BIRC6: variants seen among roughly 807,000 people sequenced by gnomAD.
The protein encoded by BIRC6 is baculoviral IAP repeat containing 6.
BIRC6 carries 98 observed loss-of-function variants against 503.3 expected under a neutral mutation model. The ratio of observed to expected loss-of-function variants is 0.19; its 90% CI spans 0.17 to 0.23. The LOEUF (loss-of-function observed/expected upper bound fraction) is 0.23. Ranked by LOEUF, BIRC6 falls within the 10% of genes least tolerant of loss-of-function variation. The pLI, the probability that BIRC6 is intolerant of heterozygous loss-of-function variation, is 1.00. For synonymous variants in BIRC6, 2,240 were observed against 2,078.7 expected, an observed-to-expected ratio of 1.08 and a Z score of -2.11; for missense variants, 5,360 against 5,806.0, an observed-to-expected ratio of 0.92 and a Z score of 2.50.
rs545030293 is a variant in BIRC6, at chr2:32,401,306, C to T, written c.1178C>T (p.Ser393Leu). ...DGTDRISCFG[S>L]GSCPHFLAAA... ...ACTGACAGAATATCTTGCTTTGGGT[C>T]GGGGAGCTGCCCTCATTTTCTAGCT... The change falls in exon 7 of 74, where the codon TCG becomes TTG. Residue 393 changes from serine to leucine, a missense_variant. Coordinates refer to ENST00000421745, the MANE Select transcript of BIRC6 (RefSeq NM_016252.4). 3.5e-5 allele frequency: 57 copies of T among 1,613,908 alleles called. No individual in the cohort carries two copies. The highest frequency in any genetic ancestry group is 2.9e-4 in the East Asian group (13 of 44,886).
At chr2:32,463,666 C>A (rs1281516811) in intron 24 of BIRC6, among the ~76,000 whole-genome samples, 1 of 152,142 alleles carries the variant, frequency 6.6e-6, no homozygotes, top group Non-Finnish European at 1.5e-5. Flanking sequence ...TGTACAGTTA[C>A]TAGTTACTAT....
In BIRC6 at chr2:32,618,708, G is replaced by A. The variant is rs2063380741; in HGVS notation, c.*804G>A. 1 of 151,858 alleles carries A rather than the reference G, an allele frequency of 6.6e-6. No individual in the cohort carries two copies. The highest frequency in any genetic ancestry group is 1.5e-5 in the Non-Finnish European group (1 of 67,882). 9.4% of individuals were successfully genotyped at this position (151,858 alleles called of 1,614,324 possible). ...TTTTCTAAAGGGCTCCTTTTTTCCT[G>A]GACTATGTGGTTTTATGACTAAAGT... On this transcript the variant is annotated 3_prime_UTR_variant, in exon 74 of 74. Transcript: ENST00000421745.
intron 65 of BIRC6, 84 bp from the exon 66 acceptor site, chr2:32,575,072 A>G: frequency 1.4e-6 from 2 of 1,414,798 alleles, no homozygotes. Flanking sequence ...CCTTGGTAAG[A>G]TCCAGGTAAA....
At chr2:32,457,971 G>A (rs765907923) in intron 23 of BIRC6, among the ~76,000 whole-genome samples, 73 of 152,030 alleles carry the variant, frequency 4.8e-4, no homozygotes, top group Middle Eastern at 6.8e-3. Context: ...AATTTATTAT[G>A]AAACCAGTGT....
chr2:32,464,875 A>G, intron 25 of BIRC6, 52 bp downstream of exon 25: 1 of 1,534,734 alleles, frequency 6.5e-7, no homozygotes, highest in South Asian at 1.3e-5. Flanking sequence ...AATATCTTGA[A>G]ATATACTCTA....
At chr2:32,402,767 G>T (rs2149763751) in intron 8 of BIRC6, among the ~76,000 whole-genome samples, 1 of 152,160 alleles carries the variant, frequency 6.6e-6, no homozygotes, top group Middle Eastern at 3.4e-3. Flanking sequence ...AGAAGTTAGT[G>T]GAAAAGTAAT....
At position 32,473,100 on chromosome 2, in the gene BIRC6, C is replaced by G; in HGVS notation, c.6593-12C>G. On this transcript the variant is annotated splice_polypyrimidine_tract_variant and intron_variant, in intron 32 of 73. Transcript: ENST00000421745. Reference sequence around the variant, plus strand: ...AACAGAATTATTAATACAAGTTTTCCTTCGCCTGTAGGTAATCAGTGGAGT... The same window carrying G: ...AACAGAATTATTAATACAAGTTTTCGTTCGCCTGTAGGTAATCAGTGGAGT... The G allele has an allele frequency of 6.4e-7, 1 of 1,554,742 alleles. No homozygotes were observed. Among genetic ancestry groups the G allele is most frequent in the Non-Finnish European group, 8.7e-7 (1 of 1,152,266 alleles).
chr2:32,388,904 G>A lies in BIRC6; in HGVS notation c.800G>A (p.Arg267His), dbSNP rs1319963787. 6 of 1,606,480 alleles carry A rather than the reference G, an allele frequency of 3.7e-6. No individual in the cohort carries two copies. In the Admixed American group the frequency reaches 5.2e-5, roughly 14 times the overall value. The change falls in exon 4 of 74, where the codon CGT (arginine) becomes CAT (histidine). Residue 267 changes from arginine to histidine, a missense_variant. Physicochemically the swap from Arg to His is conservative, Grantham distance 29 (BLOSUM62 0). Transcript: ENST00000421745. ...DRLSYLLPSA[R>H]PELGVGPGRS... ...TTGTCTTACCTCTTACCTAGTGCACGTCCAGAACTCGGAGTGGGGCCAGGC... is the reference window on the plus strand; with the variant it reads ...TTGTCTTACCTCTTACCTAGTGCACATCCAGAACTCGGAGTGGGGCCAGGC...
At chr2:32,363,570 C>G (rs1273674400) in intron 1 of BIRC6, among the ~76,000 whole-genome samples, 1 of 152,056 alleles carries the variant, frequency 6.6e-6, no homozygotes, top group Non-Finnish European at 1.5e-5. Flanking sequence ...AATAATGCCC[C>G]TCCCCAGTGT....
In BIRC6 at chr2:32,505,178, A is replaced by G. The variant is rs1313028583; in HGVS notation, c.9673A>G (p.Ile3225Val). ...PAAVLLKEIHIQPHLASLATC... is the reference protein window; with the variant it reads ...PAAVLLKEIHVQPHLASLATC... ...AGCAGTGCTGCTTAAGGAGATACAT[A>G]TCCAGCCTCATCTTGCATCTCTTGC... The change falls in exon 50 of 74, where the codon ATC becomes GTC. Residue 3225 changes from isoleucine (I) to valine (V), a missense_variant. Coordinates refer to ENST00000421745, the MANE Select transcript of BIRC6 (RefSeq NM_016252.4). The G allele has an allele frequency of 1.9e-6, 3 of 1,579,144 alleles. No homozygotes were observed. The highest frequency in any genetic ancestry group is 2.3e-5 in the South Asian group (2 of 86,494).
At chr2:32,406,994 A>G (rs889315215) in intron 9 of BIRC6, among the ~76,000 whole-genome samples, 2 of 152,206 alleles carry the variant, frequency 1.3e-5, no homozygotes, top group Non-Finnish European at 2.9e-5. Context: ...GCAAAATAAT[A>G]TACTTCGTAT....
At position 32,515,418 on chromosome 2, in the gene BIRC6, G is replaced by A. The variant is rs759663407; in HGVS notation, c.10997G>A (p.Arg3666His). 1.3e-5 allele frequency: 21 copies of A among 1,612,722 alleles called. No homozygotes were observed. Among genetic ancestry groups the A allele is most frequent in the South Asian group, 2.2e-5 (2 of 91,074 alleles). Residue 3666 changes from arginine (R) to histidine (H), a missense_variant, in exon 55 of 74, where the codon CGC (arginine) becomes CAC (histidine). This residue lies in a region of BIRC6 where 878 missense variants were observed against 928.9 expected (regional missense o/e 0.95). Transcript: ENST00000421745. Reference protein sequence around the residue: ...SIDISQDKLRRHHVPQQCNKM... With the variant: ...SIDISQDKLRHHHVPQQCNKM... ...GATATTTCCCAGGACAAACTCAGGCGCCATCATGTCCCACAACAATGTAAT... is the reference window on the plus strand; with the variant it reads ...GATATTTCCCAGGACAAACTCAGGCACCATCATGTCCCACAACAATGTAAT...
At chr2:32,431,196 T>TTTTTTTTTTTTTTTG (rs2044074893) in intron 12 of BIRC6, 106 bp downstream of exon 12, 2 of 577,808 alleles carry the variant, frequency 3.5e-6, no homozygotes, top group Non-Finnish European at 5.4e-6. Flanking sequence ...TTTTTTTTTT[T>TTTTTTTTTTTTTTTG]TTTTTTTTTT....
intron 39 of BIRC6, 102 bp downstream of exon 39, chr2:32,482,684 G>T (rs1247500046): frequency 1.6e-6 from 2 of 1,267,774 alleles, no homozygotes. Context: ...GTGTATGCCA[G>T]TGGGTTTAGT....
chr2:32,544,284 G>A (rs17011993), intron 62 of BIRC6, among the ~76,000 whole-genome samples: 8,317 of 152,048 alleles, frequency 0.055, 309 homozygotes, highest in East Asian at 0.11. Flanking sequence ...GAATCTGGTA[G>A]CAATACTTAG....
rs2050144048 is a variant in BIRC6 at position 32,479,517 on chromosome 2, T to C, written c.7308T>C (p.Asp2436=). 2 of 1,605,446 alleles carry C rather than the reference T, an allele frequency of 1.2e-6. No homozygotes were observed. Among genetic ancestry groups the C allele is most frequent in the African/African-American group, 2.7e-5 (2 of 74,800 alleles). ...AEAMEEGTVG[D]DVGATAGDSD... is the part of the protein sequence containing the mutation. ...CCATGGAGGAAGGAACAGTGGGTGA[T>C]GATGTAGGTGCGACAGCTGGTGACT... The change falls in exon 37 of 74, where the codon GAT becomes GAC. Residue 2436 remains aspartate, a synonymous_variant. Coordinates refer to ENST00000421745, the MANE Select transcript of BIRC6 (RefSeq NM_016252.4).
chr2:32,523,257 G>C (rs2055925433), intron 57 of BIRC6: 1 of 152,080 alleles, frequency 6.6e-6, no homozygotes, highest in Admixed American at 6.5e-5. Context: ...TTAGAAACCA[G>C]AGCATTTTTA....
chr2:32,500,504 G>C lies in BIRC6; in HGVS notation c.9031+395G>C, dbSNP rs58681380. Among the ~76,000 whole-genome samples the C allele has an allele frequency of 4.5e-3, 680 of 149,582 alleles. 7 individuals are homozygous for C. Among genetic ancestry groups the C allele is most frequent in the African/African-American group, 0.016 (662 of 40,610 alleles). On this transcript the variant is annotated intron_variant, in intron 46 of 73. Transcript: ENST00000421745. ...GCGATCTCGGCTCACTGTAACCCCC[G>C]CCTCCCAGATTCGAGTGATACTCCT...
At chr2:32,613,204 T>C (rs942565239) in intron 73 of BIRC6, among the ~76,000 whole-genome samples, 1 of 151,720 alleles carries the variant, frequency 6.6e-6, no homozygotes, top group African/African-American at 2.4e-5. Flanking sequence ...TGTTTGTTTG[T>C]TTGTTTGTTT....
Sources: allele counts gnomAD v4.1 joint callset (sites outside exome capture counted in the v4.1 genomes callset), GRCh38; gene constraint gnomAD v4.1.1; regional missense constraint gnomAD v4.1.1; transcripts MANE v1.5; gene names NCBI Gene and HGNC (gene_info 2026-07-23, HGNC 2026-07-21).